PLEKHA2: variants seen among roughly 807,000 people sequenced by gnomAD.
PLEKHA2 encodes pleckstrin homology domain containing A2.
Under a neutral mutation model 53.2 loss-of-function variants are expected in PLEKHA2, and 28 were observed. The ratio of observed to expected loss-of-function variants is 0.53; its 90% confidence interval spans 0.39 to 0.72. The LOEUF is 0.72. Among genes scored for constraint, PLEKHA2 ranks in the 30% least tolerant of loss-of-function variants. PLEKHA2 has a pLI of 0.00. For synonymous variants in PLEKHA2, 193 were observed against 196.4 expected (o/e 0.98, Z 0.14); for missense variants, 426 against 537.9 (o/e 0.79, Z 2.06).
intron 10 of PLEKHA2, among the ~76,000 whole-genome samples, chr8:38,967,458 A>G (rs963131857): frequency 1.4e-4 from 22 of 152,274 alleles, no homozygotes; most frequent in African/African-American, 4.8e-4. Context: ...GTACTAATTT[A>G]CATGCCTTTC....
At position 38,970,669 on chromosome 8, in the gene PLEKHA2, C is replaced by T; in HGVS notation, c.*886C>T. On this transcript the variant is annotated 3_prime_UTR_variant, in exon 12 of 12. Coordinates refer to ENST00000617275, the MANE Select transcript of PLEKHA2 (RefSeq NM_021623.2). ...GCAAAATTAGCCGGGCGTGGTGGTGCAGGCCTGTAATCCCAGCTACTCAGA... is the reference window on the plus strand; with the variant it reads ...GCAAAATTAGCCGGGCGTGGTGGTGTAGGCCTGTAATCCCAGCTACTCAGA... The T allele has an allele frequency of 6.4e-6, 1 of 157,314 alleles. No homozygotes were observed. Among genetic ancestry groups the T allele is most frequent in the Non-Finnish European group, 1.4e-5 (1 of 70,584 alleles). The allele number at this position is 157,314 out of a possible 1,614,324, so 9.7% of individuals were successfully genotyped here.
chr8:38,930,673 GCACGGCATGA>G (rs939797334), intron 2 of PLEKHA2, among the ~76,000 whole-genome samples: 1 of 152,206 alleles, frequency 6.6e-6, no homozygotes, highest in African/African-American at 2.4e-5. Flanking sequence ...GCACGGCATG[GCACGGCATGA>G]CACGGGAATC....
intron 1 of PLEKHA2, among the ~76,000 whole-genome samples, chr8:38,904,129 G>A (rs1438355592): frequency 6.6e-6 from 1 of 152,208 alleles, no homozygotes; most frequent in Non-Finnish European, 1.5e-5. Flanking sequence ...AGGTGGGAGG[G>A]ATGCGGCCCC....
chr8:38,968,790 G>A (rs1319219750), intron 11 of PLEKHA2, 121 bp downstream of exon 11: 1 of 913,766 alleles, frequency 1.1e-6, no homozygotes, highest in African/African-American at 1.7e-5. Flanking sequence ...GAAGCCCCAG[G>A]CTGTCTTGCT....
At chr8:38,959,717 A>G (rs1290015783) in intron 10 of PLEKHA2, among the ~76,000 whole-genome samples, 1 of 152,234 alleles carries the variant, frequency 6.6e-6, no homozygotes, top group Non-Finnish European at 1.5e-5. Flanking sequence ...GAAAAGTGGA[A>G]AATTTGAGAG....
chr8:38,918,386 T>TGCACAC (rs1834101473), intron 2 of PLEKHA2, among the ~76,000 whole-genome samples: 1 of 127,710 alleles, frequency 7.8e-6, no homozygotes, highest in African/African-American at 3.0e-5. Flanking sequence ...CACACACACA[T>TGCACAC]ACCCCCCATA....
intron 1 of PLEKHA2, among the ~76,000 whole-genome samples, chr8:38,906,174 T>C (rs139484820): frequency 5.2e-4 from 79 of 152,370 alleles, no homozygotes; most frequent in African/African-American, 1.8e-3. Flanking sequence ...TCAGCTTTTA[T>C]AGGCTGTAAA....
intron 3 of PLEKHA2, among the ~76,000 whole-genome samples, chr8:38,937,646 C>T (rs1410092633): frequency 2.0e-5 from 3 of 152,124 alleles, no homozygotes; most frequent in African/African-American, 7.2e-5. Flanking sequence ...AGCCCCTTCC[C>T]GAGAAAGGCA....
intron 10 of PLEKHA2, among the ~76,000 whole-genome samples, chr8:38,967,009 A>G (rs1588281709): frequency 2.5e-5 from 3 of 118,444 alleles, no homozygotes; most frequent in Middle Eastern, 0.012. Context: ...ATGTGTACCC[A>G]TTATTTAGCT....
intron 6 of PLEKHA2, among the ~76,000 whole-genome samples, chr8:38,951,963 T>C (rs573469248): frequency 6.6e-6 from 1 of 152,374 alleles, no homozygotes; most frequent in South Asian, 2.1e-4. Flanking sequence ...TTGTCCAGTC[T>C]GGTCTAGAAC....
chr8:38,904,851 A>G (rs564264970), intron 1 of PLEKHA2, among the ~76,000 whole-genome samples: 7 of 152,154 alleles, frequency 4.6e-5, no homozygotes, highest in Admixed American at 4.6e-4. Context: ...ATGACCATGT[A>G]CTCCTTGTTA....
rs1467669227 is a variant in PLEKHA2 at position 38,958,847 on chromosome 8, AAGAG to A, written c.837+1470_837+1473del. Among the ~76,000 whole-genome samples, 7 of 151,984 alleles carry A rather than the reference AAGAG, an allele frequency of 4.6e-5. No homozygotes were observed. The East Asian group carries it at 1.3e-3, about 29-fold the overall frequency. On this transcript the variant is annotated intron_variant, in intron 10 of 11. Transcript: ENST00000617275. ...GTTAAACAGAACAGATCCCGAACCC[AAGAG>A]AGAGAGAGCTCGTCAAGTCCATAGG...
Position 38,971,778 on chromosome 8 carries a change from C to T in PLEKHA2, c.*1995C>T, listed in dbSNP as rs1835253985. Reference sequence around the variant, plus strand: ...AGACCGCGGTGAAACCCCGTCTCTACTAAAAATACGAAAAAAAAATTAGCC... The same window carrying T: ...AGACCGCGGTGAAACCCCGTCTCTATTAAAAATACGAAAAAAAAATTAGCC... On this transcript the variant is annotated 3_prime_UTR_variant, in exon 12 of 12. Transcript: ENST00000617275. 6.6e-6 allele frequency: 1 copy of T among 152,242 alleles called. No individual in the cohort carries two copies. Among genetic ancestry groups the T allele is most frequent in the Admixed American group, 6.5e-5 (1 of 15,294 alleles). 9.4% of individuals were successfully genotyped at this position (152,242 alleles called of 1,614,324 possible).
intron 2 of PLEKHA2, among the ~76,000 whole-genome samples, chr8:38,930,666 C>T (rs962655166): frequency 6.9e-5 from 10 of 144,568 alleles, no homozygotes; most frequent in Non-Finnish European, 1.2e-4. Context: ...TGGCATGGCA[C>T]GGCATGGCAC....
Position 38,971,703 on chromosome 8 carries a change from C to T in PLEKHA2, c.*1920C>T, listed in dbSNP as rs966035710. 2.6e-5 allele frequency: 4 copies of T among 152,192 alleles called. No homozygotes were observed. The highest frequency in any genetic ancestry group is 4.4e-5 in the Non-Finnish European group (3 of 68,044). The allele number at this position is 152,192 out of a possible 1,614,324, so 9.4% of individuals were successfully genotyped here. ...CGGCAAGGTGGCTCACGCCTGTAAT[C>T]CCAGCACTTTGGGAGGCCGAGGCGA... On this transcript the variant is annotated 3_prime_UTR_variant, in exon 12 of 12. Transcript: ENST00000617275.
intron 10 of PLEKHA2, among the ~76,000 whole-genome samples, chr8:38,966,284 A>G (rs540746955): frequency 1.5e-5 from 2 of 132,516 alleles, no homozygotes; most frequent in African/African-American, 5.8e-5. Context: ...TAGAATGCAA[A>G]GAGGAGGGGT....
At chr8:38,917,362 T>C (rs763038905) in intron 1 of PLEKHA2, among the ~76,000 whole-genome samples, 10 of 152,220 alleles carry the variant, frequency 6.6e-5, no homozygotes, top group Non-Finnish European at 1.2e-4. Context: ...TTTATTCAGA[T>C]GTTTGAATTG....
chr8:38,952,140 C>T, intron 6 of PLEKHA2, 26 bp from the exon 7 acceptor site: 1 of 1,604,018 alleles, frequency 6.2e-7, no homozygotes, highest in Non-Finnish European at 8.5e-7. Flanking sequence ...GAGGGAGGCG[C>T]TGATACTGAC....
At chr8:38,908,297 A>C (rs1349399084) in intron 1 of PLEKHA2, among the ~76,000 whole-genome samples, 1 of 152,210 alleles carries the variant, frequency 6.6e-6, no homozygotes, top group Non-Finnish European at 1.5e-5. Context: ...AAGAAACCCA[A>C]ACAGCTTGGA....
Sources: gnomAD v4.1 joint callset for allele counts (sites outside exome capture counted in the v4.1 genomes callset) on GRCh38, gnomAD v4.1.1 for gene constraint, MANE v1.5 for transcripts, NCBI Gene and HGNC (gene_info 2026-07-23, HGNC 2026-07-21) for gene names.